Variants in ABTB3 observed in about 807,000 individuals in gnomAD.
ABTB3 encodes ankyrin repeat- and BTB/POZ domain-containing protein 3.
the ABTB3 span, among the ~76,000 whole-genome samples, chr12:107,362,683 C>T: frequency 1.8e-4 from 28 of 152,024 alleles, no homozygotes; most frequent in Non-Finnish European, 2.5e-4. Context: ...GTCACAGCTA[C>T]TTGGGAGTCT....
At chr12:107,635,216 C>A in the ABTB3 span, 2 of 1,403,780 alleles carry the variant, frequency 1.4e-6, no homozygotes, top group South Asian at 1.2e-5. Flanking sequence ...GGGACGCATT[C>A]CTGGGGCACA....
At chr12:107,508,542 C>T in the ABTB3 span, among the ~76,000 whole-genome samples, 16,150 of 144,162 alleles carry the variant, frequency 0.11, 939 homozygotes, top group African/African-American at 0.14. Context: ...GCAACCTCCA[C>T]CTCCGGGGTT....
At chr12:107,488,333 T>C in the ABTB3 span, among the ~76,000 whole-genome samples, 1 of 152,304 alleles carries the variant, frequency 6.6e-6, no homozygotes, top group Non-Finnish European at 1.5e-5. Context: ...CAGTATACTT[T>C]AAATGGATGT....
At chr12:107,593,284 C>T in the ABTB3 span, among the ~76,000 whole-genome samples, 48 of 152,306 alleles carry the variant, frequency 3.2e-4, no homozygotes, top group Middle Eastern at 0.01. Flanking sequence ...GGATAGAGAA[C>T]ATGCGGTCCT....
the ABTB3 span, among the ~76,000 whole-genome samples, chr12:107,513,303 T>A: frequency 1.3e-5 from 2 of 152,132 alleles, no homozygotes; most frequent in African/African-American, 4.8e-5. Context: ...TGGCTCTGTG[T>A]CCCCACCCCC....
At chr12:107,557,136 A>C in the ABTB3 span, among the ~76,000 whole-genome samples, 2 of 152,216 alleles carry the variant, frequency 1.3e-5, no homozygotes, top group African/African-American at 4.8e-5. Context: ...ATGAGGATAC[A>C]TTCTGAGAAA....
At chr12:107,490,981 G>T in the ABTB3 span, among the ~76,000 whole-genome samples, 1 of 152,122 alleles carries the variant, frequency 6.6e-6, no homozygotes, top group African/African-American at 2.4e-5. Flanking sequence ...CTTATGAGGG[G>T]CAGAGCTGGG....
At chr12:107,341,687 C>G in the ABTB3 span, among the ~76,000 whole-genome samples, 2 of 152,116 alleles carry the variant, frequency 1.3e-5, no homozygotes, top group Admixed American at 1.3e-4. Context: ...CCCTGAGGAG[C>G]TGGTATAGTT....
the ABTB3 span, chr12:107,581,010 A>C: frequency 6.4e-7 from 1 of 1,551,410 alleles, no homozygotes; most frequent in Non-Finnish European, 8.7e-7. Context: ...ATTCAGAGGC[A>C]GGGTCTCCAG....
the ABTB3 span, among the ~76,000 whole-genome samples, chr12:107,347,531 C>G: frequency 6.6e-6 from 1 of 152,108 alleles, no homozygotes; most frequent in Non-Finnish European, 1.5e-5. Flanking sequence ...TTTCGACCCC[C>G]CTCTTTCTAC....
chr12:107,484,420 C>A, the ABTB3 span, among the ~76,000 whole-genome samples: 572 of 152,216 alleles, frequency 3.8e-3, 5 homozygotes, highest in African/African-American at 0.013. Context: ...GTTCAAAGAA[C>A]AAGTTCAAAG....
chr12:107,482,911 T>TC, the ABTB3 span, among the ~76,000 whole-genome samples: 81 of 146,454 alleles, frequency 5.5e-4, 3 homozygotes, highest in African/African-American at 1.9e-3. Flanking sequence ...TCTCTCTTTC[T>TC]TCTTCTTTCT....
the ABTB3 span, chr12:107,520,389 G>A: frequency 6.3e-5 from 94 of 1,498,384 alleles, no homozygotes; most frequent in Admixed American, 1.6e-4. Flanking sequence ...CAGCTCTGGC[G>A]TGGTTTGAGG....
At chr12:107,506,457 G>A in the ABTB3 span, among the ~76,000 whole-genome samples, 2 of 151,832 alleles carry the variant, frequency 1.3e-5, no homozygotes, top group Non-Finnish European at 2.9e-5. Flanking sequence ...CCACAAACCA[G>A]TAAGAAGAAT....
At chr12:107,608,954 AATATAAAATAAAAT>A in the ABTB3 span, among the ~76,000 whole-genome samples, 3,685 of 80,204 alleles carry the variant, frequency 0.046, 126 homozygotes, top group African/African-American at 0.089. Context: ...AATAAAATAA[AATATAAAATAAAAT>A]ATAAAATAAA....
chr12:107,549,990 G>T, the ABTB3 span, among the ~76,000 whole-genome samples: 12 of 152,136 alleles, frequency 7.9e-5, no homozygotes, highest in Non-Finnish European at 4.4e-5. Context: ...ATGTCACCTG[G>T]ACAGGAGATA....
the ABTB3 span, among the ~76,000 whole-genome samples, chr12:107,404,893 C>T: frequency 6.6e-6 from 1 of 152,294 alleles, no homozygotes; most frequent in South Asian, 2.1e-4. Flanking sequence ...CTTGTGGAAA[C>T]CTCATAGCCT....
chr12:107,586,753 T>C, the ABTB3 span, among the ~76,000 whole-genome samples: 1 of 152,194 alleles, frequency 6.6e-6, no homozygotes, highest in East Asian at 1.9e-4. Flanking sequence ...TCAGCAAACA[T>C]GTATGGAGCA....
chr12:107,456,313 G>A, the ABTB3 span, among the ~76,000 whole-genome samples: 1 of 152,204 alleles, frequency 6.6e-6, no homozygotes, highest in Non-Finnish European at 1.5e-5. Flanking sequence ...CCGCATAGCA[G>A]GAAGTGAGTG....
Sources: allele counts gnomAD v4.1 joint callset (sites outside exome capture counted in the v4.1 genomes callset), GRCh38; gene constraint gnomAD v4.1.1; transcripts MANE v1.5; gene names NCBI Gene and HGNC (gene_info 2026-07-23, HGNC 2026-07-21).